Variants in PTPRT observed in about 807,000 individuals in gnomAD.
PTPRT encodes protein tyrosine phosphatase receptor type T.
PTPRT carries 56 observed loss-of-function variants against 176.8 expected under a neutral mutation model. That is an observed-to-expected ratio of 0.32 (90% CI 0.26 to 0.40). PTPRT has a LOEUF of 0.40. PTPRT is among the 10% of genes least tolerant of loss of function. The probability of loss-of-function intolerance (pLI) is 1.00; values close to 1 mark genes in which losing one functional copy is unlikely to be tolerated. For synonymous variants in PTPRT, 783 were observed against 739.0 expected, an observed-to-expected ratio of 1.06 and a Z score of -0.96; for missense variants, 1,540 against 1,908.2, an observed-to-expected ratio of 0.81 and a Z score of 3.60.
At chr20:42,411,515 C>T (rs925603574) in intron 9 of PTPRT, among the ~76,000 whole-genome samples, 4 of 49,924 alleles carry the variant, frequency 8.0e-5, no homozygotes, top group Admixed American at 5.2e-4. Context: ...TAAACCCTGT[C>T]TCAAAAAAAA....
chr20:43,124,232 T>C (rs2061862437), intron 1 of PTPRT, among the ~76,000 whole-genome samples: 3 of 152,248 alleles, frequency 2.0e-5, no homozygotes, highest in Non-Finnish European at 1.5e-5. Flanking sequence ...TGACTATCAA[T>C]TGACTTTTAG....
intron 6 of PTPRT, among the ~76,000 whole-genome samples, chr20:42,705,004 G>A (rs1292800394): frequency 2.6e-5 from 4 of 151,972 alleles, no homozygotes; most frequent in African/African-American, 7.3e-5. Context: ...TCGGAAGTTC[G>A]AGACCAGCCT....
intron 2 of PTPRT, 104 bp from the exon 3 acceptor site, chr20:42,791,570 A>G: frequency 7.7e-7 from 1 of 1,298,664 alleles, no homozygotes; most frequent in Non-Finnish European, 1.0e-6. Context: ...AGGAGTGGCC[A>G]GAGATCAAGT....
chr20:43,140,129 A>G (rs1430669331), intron 1 of PTPRT, among the ~76,000 whole-genome samples: 1 of 152,220 alleles, frequency 6.6e-6, no homozygotes, highest in Non-Finnish European at 1.5e-5. Flanking sequence ...ATGTATTTAA[A>G]TATGTGTGTG....
intron 23 of PTPRT, among the ~76,000 whole-genome samples, chr20:42,108,472 A>G (rs4810352): frequency 0.1 from 15,918 of 152,294 alleles, 1,032 homozygotes; most frequent in East Asian, 0.23. Flanking sequence ...ACCTCACAGC[A>G]TTAATAGCAC....
At chr20:42,327,771 A>G (rs899906116) in intron 11 of PTPRT, among the ~76,000 whole-genome samples, 1 of 152,152 alleles carries the variant, frequency 6.6e-6, no homozygotes, top group Non-Finnish European at 1.5e-5. Flanking sequence ...AACAATTTAC[A>G]AAAGACAAAA....
In PTPRT at chr20:43,096,891, TG is replaced by T. The variant is rs2012192853; in HGVS notation, c.88+92754del. ...CTTCCAGACAGCATAAATCCAATGG[TG>T]TGGGGTCCAGCTCCCTGTGGCCCAG... On this transcript the variant is annotated intron_variant, in intron 1 of 30. Transcript: ENST00000373187. Among the ~76,000 whole-genome samples the T allele has an allele frequency of 2.6e-5, 4 of 152,016 alleles. No homozygotes were observed. In the South Asian group the frequency reaches 8.3e-4, roughly 32 times the overall value.
intron 18 of PTPRT, among the ~76,000 whole-genome samples, chr20:42,141,450 C>A (rs1988624490): frequency 6.6e-6 from 1 of 152,222 alleles, no homozygotes; most frequent in African/African-American, 2.4e-5. Context: ...CTCCTAGCCC[C>A]TCCCTCACAG....
Position 42,236,247 on chromosome 20 carries a change from T to G in PTPRT, c.2324A>C (p.Tyr775Ser). The G allele has an allele frequency of 6.2e-7, 1 of 1,603,804 alleles. No individual in the cohort carries two copies. Among genetic ancestry groups the G allele is most frequent in the Non-Finnish European group, 8.5e-7 (1 of 1,171,346 alleles). Residue 775 changes from tyrosine to serine, a missense_variant, in exon 15 of 31, where the codon TAT (tyrosine) becomes TCT (serine). Transcript: ENST00000373187. ...TACTTACAAGTAATAGGAGTAGGAA[T>G]AAGCATTTCTTCTATATATTGATGG... ...MLTIKRRRNA[Y>S]SYSYYLKLAK...
chr20:42,808,851 T>A (rs1468112647), intron 2 of PTPRT, among the ~76,000 whole-genome samples: 1 of 152,168 alleles, frequency 6.6e-6, no homozygotes, highest in Non-Finnish European at 1.5e-5. Flanking sequence ...GTTGGGTAGA[T>A]GCTCAACAAA....
intron 2 of PTPRT, among the ~76,000 whole-genome samples, chr20:42,882,598 C>T (rs1318796718): frequency 1.3e-5 from 2 of 152,174 alleles, no homozygotes; most frequent in Non-Finnish European, 2.9e-5. Flanking sequence ...TCATTCATTC[C>T]TGTATTAATA....
intron 12 of PTPRT, among the ~76,000 whole-genome samples, chr20:42,285,778 T>A (rs537219845): frequency 1.9e-4 from 27 of 140,918 alleles, no homozygotes; most frequent in African/African-American, 7.0e-4. Context: ...ATCTTATGTA[T>A]ACGAAAAACC....
intron 13 of PTPRT, among the ~76,000 whole-genome samples, chr20:42,258,027 T>C (rs1458706653): frequency 6.6e-6 from 1 of 152,136 alleles, no homozygotes; most frequent in Non-Finnish European, 1.5e-5. Context: ...CTCTGTCACC[T>C]CTCTAATAAA....
At chr20:42,116,052 G>A (rs774935637) in intron 21 of PTPRT, 10 of 724,816 alleles carry the variant, frequency 1.4e-5, no homozygotes, top group South Asian at 2.9e-5. Context: ...TCCGGGGGAC[G>A]CCGCACGGCC....
At chr20:42,658,895 G>A (rs776833329) in intron 7 of PTPRT, among the ~76,000 whole-genome samples, 8 of 152,220 alleles carry the variant, frequency 5.3e-5, no homozygotes, top group Non-Finnish European at 1.2e-4. Context: ...GTTTTAAAGT[G>A]TGTTACTCAA....
At chr20:42,551,947 C>G (rs2072778152) in intron 7 of PTPRT, among the ~76,000 whole-genome samples, 1 of 152,190 alleles carries the variant, frequency 6.6e-6, no homozygotes, top group Non-Finnish European at 1.5e-5. Context: ...CTCAAACTTT[C>G]ATTACCACCT....
chr20:43,121,607 G>C (rs1383467596), intron 1 of PTPRT, among the ~76,000 whole-genome samples: 1 of 152,116 alleles, frequency 6.6e-6, no homozygotes. Flanking sequence ...GTGTCCATTT[G>C]AATATCCTCC....
intron 9 of PTPRT, among the ~76,000 whole-genome samples, chr20:42,428,439 T>C (rs533889434): frequency 5.9e-5 from 9 of 152,248 alleles, no homozygotes; most frequent in Non-Finnish European, 1.3e-4. Context: ...TCTGTGCAGA[T>C]GTAAGAGACG....
chr20:42,283,612 C>T (rs927074607), intron 12 of PTPRT, among the ~76,000 whole-genome samples: 1 of 151,970 alleles, frequency 6.6e-6, no homozygotes, highest in Admixed American at 6.6e-5. Flanking sequence ...ACACTCTGAC[C>T]ATTGTAACCA....
Sources: allele counts gnomAD v4.1 joint callset (sites outside exome capture counted in the v4.1 genomes callset), GRCh38; gene constraint gnomAD v4.1.1; transcripts MANE v1.5; gene names NCBI Gene and HGNC (gene_info 2026-07-23, HGNC 2026-07-21).